Variants in CADM1 observed in about 807,000 individuals in gnomAD.
CADM1 encodes the protein TSLC-1.
Under a neutral mutation model 53.1 loss-of-function variants are expected in CADM1, and 15 were observed. The ratio of observed to expected loss-of-function variants is 0.28; its 90% CI spans 0.19 to 0.44. The LOEUF (loss-of-function observed/expected upper bound fraction) is 0.44, where lower values mean the gene tolerates loss of function less well. Ranked by LOEUF, CADM1 falls within the 20% of genes least tolerant of loss-of-function variation. The pLI is 1.00. For synonymous variants in CADM1, 281 were observed against 243.0 expected (o/e 1.16, Z -1.45); for missense variants, 434 against 611.3 (o/e 0.71, Z 3.06).
intron 1 of CADM1, among the ~76,000 whole-genome samples, chr11:115,416,312 A>G (rs1169411502): frequency 6.6e-6 from 1 of 152,206 alleles, no homozygotes; most frequent in Non-Finnish European, 1.5e-5. Context: ...TTAAATCTCC[A>G]GAGTGAAAAA....
At chr11:115,492,507 C>T (rs529456687) in intron 1 of CADM1, among the ~76,000 whole-genome samples, 1 of 152,226 alleles carries the variant, frequency 6.6e-6, no homozygotes, top group East Asian at 1.9e-4. Flanking sequence ...CCTATTGATA[C>T]ATAACACACA....
At chr11:115,228,596 C>T (rs1408884305) in intron 5 of CADM1, among the ~76,000 whole-genome samples, 3 of 152,148 alleles carry the variant, frequency 2.0e-5, no homozygotes, top group African/African-American at 7.2e-5. Context: ...AAGGAGAAAA[C>T]CTCACTCACT....
chr11:115,292,527 G>A (rs985288994), intron 1 of CADM1, among the ~76,000 whole-genome samples: 1 of 152,124 alleles, frequency 6.6e-6, no homozygotes, highest in Non-Finnish European at 1.5e-5. Context: ...AGAACAAATC[G>A]GGTGCTCAGA....
chr11:115,475,383 C>G (rs940691711), intron 1 of CADM1, among the ~76,000 whole-genome samples: 2 of 152,076 alleles, frequency 1.3e-5, no homozygotes, highest in African/African-American at 4.8e-5. Context: ...GGAGAGCCAC[C>G]TGTACTTATC....
At chr11:115,453,832 C>G (rs1040455718) in intron 1 of CADM1, among the ~76,000 whole-genome samples, 4 of 152,060 alleles carry the variant, frequency 2.6e-5, no homozygotes, top group Admixed American at 2.6e-4. Flanking sequence ...CATGCTACAA[C>G]CTAAAAAATG....
At chr11:115,409,930 A>C (rs1365680962) in intron 1 of CADM1, among the ~76,000 whole-genome samples, 2 of 152,212 alleles carry the variant, frequency 1.3e-5, no homozygotes, top group Non-Finnish European at 2.9e-5. Context: ...ACATGGATGC[A>C]TCCCAATGCT....
rs12280909 is a variant in CADM1, at chr11:115,461,671, G to A, written c.124+42600C>T. On this transcript the variant is annotated intron_variant, in intron 1 of 11. Transcript: ENST00000331581. ...AAAAGAAATGAATATGGATGAACCT[G>A]TTGAGGGACTTGCTTTTTGGTGATG... is the stretch of plus-strand genomic sequence containing the variant. Among the ~76,000 whole-genome samples the A allele has an allele frequency of 2.0e-3, 299 of 152,316 alleles. 1 individual carries two copies. The highest frequency in any genetic ancestry group is 6.9e-3 in the African/African-American group (288 of 41,574).
intron 1 of CADM1, among the ~76,000 whole-genome samples, chr11:115,362,854 T>C (rs1253583586): frequency 6.6e-6 from 1 of 152,228 alleles, no homozygotes; most frequent in Non-Finnish European, 1.5e-5. Context: ...CCATCATTAC[T>C]TTTACAAATC....
chr11:115,356,740 T>G (rs543933279), intron 1 of CADM1, among the ~76,000 whole-genome samples: 4 of 152,180 alleles, frequency 2.6e-5, no homozygotes, highest in Non-Finnish European at 5.9e-5. Context: ...TAAGCTAAAC[T>G]AAAAAACTTT....
intron 1 of CADM1, among the ~76,000 whole-genome samples, chr11:115,336,041 T>C (rs1945258699): frequency 6.6e-6 from 1 of 152,162 alleles, no homozygotes; most frequent in African/African-American, 2.4e-5. Context: ...GACAAGTATG[T>C]AGCAAAAATG....
chr11:115,350,878 T>G (rs975873186), intron 1 of CADM1, among the ~76,000 whole-genome samples: 2 of 151,540 alleles, frequency 1.3e-5, no homozygotes, highest in Non-Finnish European at 2.9e-5. Context: ...CTATCATGGA[T>G]TAGCTTAAGG....
chr11:115,404,327 GAAAA>G (rs1216372271), intron 1 of CADM1, among the ~76,000 whole-genome samples: 66 of 5,804 alleles, frequency 0.011, 1 homozygote, highest in African/African-American at 0.033. Flanking sequence ...ATCTGTCTCG[GAAAA>G]AAAAAAAAAA....
chr11:115,347,330 G>C (rs1166280218), intron 1 of CADM1, among the ~76,000 whole-genome samples: 1 of 152,078 alleles, frequency 6.6e-6, no homozygotes, highest in East Asian at 1.9e-4. Flanking sequence ...TAATGAGACT[G>C]ACATAAAGCT....
intron 1 of CADM1, among the ~76,000 whole-genome samples, chr11:115,327,754 G>A (rs1944998307): frequency 6.6e-6 from 1 of 152,112 alleles, no homozygotes; most frequent in Non-Finnish European, 1.5e-5. Context: ...CATTTGTAAA[G>A]TGAAGATTGT....
In CADM1 at chr11:115,487,165, A is replaced by T. The variant is rs535864320; in HGVS notation, c.124+17106T>A. Among the ~76,000 whole-genome samples the T allele has an allele frequency of 5.9e-5, 9 of 152,322 alleles. No individual in the cohort carries two copies. In the South Asian group the frequency reaches 1.4e-3, roughly 25 times the overall value. On this transcript the variant is annotated intron_variant, in intron 1 of 11. Coordinates refer to ENST00000331581, the MANE Select transcript of CADM1 (RefSeq NM_001301043.2). ...TCCAGTGGTTTTTAAACCATTTTTT[A>T]AAAAAGTAAAACACTTTTTTCAAAG... is the stretch of plus-strand genomic sequence containing the variant.
intron 7 of CADM1, among the ~76,000 whole-genome samples, chr11:115,211,805 C>G (rs1940979267): frequency 6.6e-6 from 1 of 151,998 alleles, no homozygotes; most frequent in South Asian, 2.1e-4. Context: ...CCTATTTCTG[C>G]ACCTATTCTA....
At chr11:115,449,918 T>C (rs1948534735) in intron 1 of CADM1, among the ~76,000 whole-genome samples, 1 of 152,166 alleles carries the variant, frequency 6.6e-6, no homozygotes, top group African/African-American at 2.4e-5. Flanking sequence ...GAAAACACAA[T>C]TATGCCATAT....
In CADM1 at chr11:115,412,422, C is replaced by A. The variant is rs1049409635; in HGVS notation, c.124+91849G>T. 3.9e-5 allele frequency among the ~76,000 whole-genome samples: 6 copies of A among 152,262 alleles called. No homozygotes were observed. In the South Asian group the frequency reaches 1.2e-3, roughly 32 times the overall value. ...TGTTGCCCAGGCTAGCCTTGACTAGCCTGGTACTCGGGCTCAAGTGAAACT... is the reference window on the plus strand; with the variant it reads ...TGTTGCCCAGGCTAGCCTTGACTAGACTGGTACTCGGGCTCAAGTGAAACT... On this transcript the variant is annotated intron_variant, in intron 1 of 11. Transcript: ENST00000331581.
chr11:115,301,806 C>T (rs534621830), intron 1 of CADM1, among the ~76,000 whole-genome samples: 1 of 152,190 alleles, frequency 6.6e-6, no homozygotes, highest in South Asian at 2.1e-4. Flanking sequence ...TAACAGTACA[C>T]ACCCCATAAC....
Sources: allele counts gnomAD v4.1 joint callset (sites outside exome capture counted in the v4.1 genomes callset), GRCh38; gene constraint gnomAD v4.1.1; transcripts MANE v1.5; gene names NCBI Gene and HGNC (gene_info 2026-07-23, HGNC 2026-07-21).